The following ARRDC5 variants were observed in gnomAD, a reference collection of about 807,000 sequenced individuals.
ARRDC5 encodes arrestin domain containing 5, also known as arrestin domain-containing protein 5.
ARRDC5 carries 12 observed loss-of-function variants against 13.3 expected under a neutral mutation model. That is an observed-to-expected ratio of 0.90 (90% CI 0.58 to 1.46). The LOEUF (loss-of-function observed/expected upper bound fraction) is 1.46. Among genes scored for constraint, ARRDC5 ranks in the 40% most tolerant of loss-of-function variants. The pLI, the probability that ARRDC5 is intolerant of heterozygous loss-of-function variation, is 0.00. For synonymous variants in ARRDC5, 181 were observed against 173.4 expected (o/e 1.04, Z -0.34); for missense variants, 406 against 418.7 (o/e 0.97, Z 0.26).
chr19:4,910,554 G>A, the ARRDC5 span: 1 of 272,086 alleles, frequency 3.7e-6, no homozygotes. Flanking sequence ...GAACCAACTC[G>A]GCCACTTGGC....
At chr19:4,906,387 A>C (rs2032064719), upstream of ARRDC5, among the ~76,000 whole-genome samples, 1 of 152,170 alleles carries the variant, frequency 6.6e-6, no homozygotes, top group Admixed American at 6.6e-5. Context: ...GGAGGGCTAG[A>C]TACCTCCTCT....
At chr19:4,895,117 A>T (rs978906557) in intron 2 of ARRDC5, among the ~76,000 whole-genome samples, 25 of 149,608 alleles carry the variant, frequency 1.7e-4, no homozygotes, top group Non-Finnish European at 2.1e-4. Context: ...GAGCTATTAC[A>T]TTTTTTTTTT....
At chr19:4,904,592 C>T (rs1456177517), upstream of ARRDC5, among the ~76,000 whole-genome samples, 2 of 152,224 alleles carry the variant, frequency 1.3e-5, no homozygotes, top group African/African-American at 4.8e-5. Flanking sequence ...GCTGGGATTA[C>T]AGGCATGAGC....
chr19:4,891,367 C>A lies in ARRDC5; in HGVS notation c.666G>T (p.Thr222=), dbSNP rs200197728. 2,887 of 1,613,590 alleles carry A rather than the reference C, an allele frequency of 1.8e-3. 56 individuals carry two copies. The South Asian group carries it at 0.026, about 14-fold the overall frequency. Reference sequence around the variant, plus strand: ...GCCGAGACCGCCGCTCTGCACTGGGCGTGAAGCCCTCGTACTGTATGTGGG... The same window carrying A: ...GCCGAGACCGCCGCTCTGCACTGGGAGTGAAGCCCTCGTACTGTATGTGGG... ...LYAHIQYEGF[T]PSAERRSRLD... The change falls in exon 3 of 3, where the codon ACG becomes ACT. Residue 222 remains threonine, a synonymous_variant. Coordinates refer to ENST00000650722, the MANE Select transcript of ARRDC5 (RefSeq NM_001080523.3).
intron 1 of ARRDC5, 35 bp downstream of exon 1, chr19:4,902,538 T>C (rs759583181): frequency 1.4e-5 from 22 of 1,603,472 alleles, no homozygotes; most frequent in Non-Finnish European, 1.8e-5. Flanking sequence ...CAGGTTCCTG[T>C]CATGGCTAGG....
intron 1 of ARRDC5, among the ~76,000 whole-genome samples, chr19:4,897,861 C>T (rs1335899139): frequency 1.3e-5 from 2 of 152,192 alleles, no homozygotes; most frequent in African/African-American, 4.8e-5. Flanking sequence ...CCAAGGCGGG[C>T]GGATCACCTG....
intron 2 of ARRDC5, among the ~76,000 whole-genome samples, chr19:4,892,959 C>T (rs1235662399): frequency 4.0e-5 from 6 of 150,520 alleles, no homozygotes; most frequent in East Asian, 2.0e-4. Flanking sequence ...AAAAATTAGC[C>T]GGGCGTGGTG....
upstream of ARRDC5, among the ~76,000 whole-genome samples, chr19:4,906,827 A>G (rs943158862): frequency 2.0e-5 from 3 of 152,240 alleles, no homozygotes; most frequent in Non-Finnish European, 2.9e-5. Context: ...CAACAGCGCT[A>G]CAAACAGATG....
rs527944799 is a variant in ARRDC5 at position 4,894,367 on chromosome 19, C to T, written c.459+2304G>A. Among the ~76,000 whole-genome samples, 11 of 150,950 alleles carry T rather than the reference C, an allele frequency of 7.3e-5. No individual in the cohort carries two copies. The East Asian group carries it at 1.7e-3, about 24-fold the overall frequency. The stretch of plus-strand genomic sequence containing the variant: ...TCTACTAAAAATACAAAAAATTAGC[C>T]GGGCGTAGTGGCAGGCGCCTGTAGT... On this transcript the variant is annotated intron_variant, in intron 2 of 2. Transcript: ENST00000650722.
chr19:4,916,256 A>T, the ARRDC5 span, among the ~76,000 whole-genome samples: 3 of 151,896 alleles, frequency 2.0e-5, no homozygotes, highest in African/African-American at 7.3e-5. Flanking sequence ...CAGTGAACCA[A>T]GATTGTACCA....
chr19:4,910,957 G>T, the ARRDC5 span: 2 of 1,613,656 alleles, frequency 1.2e-6, no homozygotes, highest in Non-Finnish European at 1.7e-6. Flanking sequence ...GGCTGACCAA[G>T]GTGGAGGAGC....
chr19:4,902,330 A>G (rs1379026413), intron 1 of ARRDC5, among the ~76,000 whole-genome samples: 1 of 152,190 alleles, frequency 6.6e-6, no homozygotes, highest in Non-Finnish European at 1.5e-5. Context: ...AGCATTTTCC[A>G]AGGAGACTAC....
the ARRDC5 span, among the ~76,000 whole-genome samples, chr19:4,916,724 C>T: frequency 1.5e-4 from 23 of 152,370 alleles, 1 homozygote; most frequent in Admixed American, 1.4e-3. Context: ...CCTTCTCTCC[C>T]TCCGTCTGTC....
intron 2 of ARRDC5, among the ~76,000 whole-genome samples, chr19:4,893,113 TATATATTATAATAATATA>T (rs1301018410): frequency 7.1e-6 from 1 of 141,386 alleles, no homozygotes; most frequent in Admixed American, 7.8e-5. Flanking sequence ...AAAATAAATA[TATATATTATAATAATATA>T]ATATATATTA....
rs1402029889 is a variant in ARRDC5, at chr19:4,891,516, T to C, written c.517A>G (p.Thr173Ala). 5 of 1,613,926 alleles carry C rather than the reference T, an allele frequency of 3.1e-6. 1 individual carries two copies. The African/African-American group carries it at 5.3e-5, about 17-fold the overall frequency. Reference sequence around the variant, plus strand: ...TCCATCTGGATTTGCAAACAGACAGTGCCCTGGCGGCAGCAGTTGTAGGAG... The same window carrying C: ...TCCATCTGGATTTGCAAACAGACAGCGCCCTGGCGGCAGCAGTTGTAGGAG... ...KVSYNCCRQG[T>A]VCLQIQMERN... The change falls in exon 3 of 3, where the codon ACT (threonine) becomes GCT (alanine). Residue 173 changes from threonine (T) to alanine (A), a missense_variant. Thr to Ala is a moderately conservative substitution (Grantham distance 58, BLOSUM62 0). Coordinates refer to ENST00000650722, the MANE Select transcript of ARRDC5 (RefSeq NM_001080523.3).
chr19:4,891,177 G>T lies in ARRDC5; in HGVS notation c.856C>A (p.His286Asn), dbSNP rs769861681. 3 of 1,613,984 alleles carry T rather than the reference G, an allele frequency of 1.9e-6. No homozygotes were observed. The highest frequency in any genetic ancestry group is 1.7e-6 in the Non-Finnish European group (2 of 1,179,884). ...AGGCTGGTCAGGGACCAGGGCAGGT[G>T]CACGGTGGTGACCAGCTCGTAGCGA... ...HTRYELVTTV[H>N]LPWSLTSLKA... is the part of the protein sequence containing the mutation. Residue 286 changes from histidine (H) to asparagine (N), a missense_variant, in exon 3 of 3, where the codon CAC becomes AAC. Coordinates refer to ENST00000650722, the MANE Select transcript of ARRDC5 (RefSeq NM_001080523.3).
At chr19:4,894,752 G>A (rs76735435) in intron 2 of ARRDC5, among the ~76,000 whole-genome samples, 56 of 102,914 alleles carry the variant, frequency 5.4e-4, no homozygotes, top group African/African-American at 9.2e-4. Flanking sequence ...AAGAGGAAGA[G>A]GAAGAAGAAG....
chr19:4,909,339 C>T, the ARRDC5 span: 1 of 584,656 alleles, frequency 1.7e-6, no homozygotes, highest in Non-Finnish European at 3.0e-6. Flanking sequence ...GGAGCCGTGG[C>T]CCACTAGGCG....
At chr19:4,908,811 CGCTGGGTTCTGCA>C in the ARRDC5 span, among the ~76,000 whole-genome samples, 1 of 152,174 alleles carries the variant, frequency 6.6e-6, no homozygotes, top group East Asian at 1.9e-4. Flanking sequence ...CCATGTACAC[CGCTGGGTTCTGCA>C]GCTCTGAGCA....
Sources: allele counts gnomAD v4.1 joint callset (sites outside exome capture counted in the v4.1 genomes callset), GRCh38; gene constraint gnomAD v4.1.1; transcripts MANE v1.5; gene names NCBI Gene and HGNC (gene_info 2026-07-23, HGNC 2026-07-21).